Variants in UBE2L3 observed in about 807,000 individuals in gnomAD.
The protein encoded by UBE2L3 is ubiquitin conjugating enzyme E2 L3.
In UBE2L3, 1 loss-of-function variant was observed where a neutral mutation model predicts 17.8. That is an observed-to-expected ratio of 0.06 (90% CI 0.02 to 0.27). The LOEUF is 0.27. Among genes scored for constraint, UBE2L3 ranks in the 10% least tolerant of loss-of-function variants. The probability of loss-of-function intolerance (pLI) is 1.00; values close to 1 mark genes in which losing one functional copy is unlikely to be tolerated. For missense variants in UBE2L3, 40 were observed against 192.6 expected, an observed-to-expected ratio of 0.21 and a Z score of 4.69; for synonymous variants, 44 against 68.5, an observed-to-expected ratio of 0.64 and a Z score of 1.76.
At chr22:21,609,141 C>T (rs951024318) in intron 2 of UBE2L3, among the ~76,000 whole-genome samples, 2 of 152,134 alleles carry the variant, frequency 1.3e-5, no homozygotes, top group African/African-American at 4.8e-5. Context: ...TCGTGATCCA[C>T]CTGCCTTGGC....
intron 2 of UBE2L3, among the ~76,000 whole-genome samples, chr22:21,594,941 T>A (rs556988383): frequency 6.6e-6 from 1 of 152,368 alleles, no homozygotes; most frequent in South Asian, 2.1e-4. Flanking sequence ...GCTTGGGCAG[T>A]CTGGCCCTGA....
intron 3 of UBE2L3, among the ~76,000 whole-genome samples, chr22:21,615,915 T>C (rs181684821): frequency 4.0e-4 from 61 of 152,308 alleles, no homozygotes; most frequent in African/African-American, 1.4e-3. Flanking sequence ...TGATTTTGCT[T>C]TGGCCCCAAA....
intron 3 of UBE2L3, among the ~76,000 whole-genome samples, chr22:21,611,744 A>G (rs1929493085): frequency 6.6e-6 from 1 of 152,060 alleles, no homozygotes; most frequent in Non-Finnish European, 1.5e-5. Flanking sequence ...TTTGTTATGG[A>G]CTGTGTCTGG....
chr22:21,564,820 G>A (rs529968326), upstream of UBE2L3, among the ~76,000 whole-genome samples: 1 of 152,150 alleles, frequency 6.6e-6, no homozygotes, highest in South Asian at 2.1e-4. Flanking sequence ...TATTTGTCCT[G>A]GGCCCAGTAA....
chr22:21,570,829 C>T (rs535204627), intron 1 of UBE2L3, among the ~76,000 whole-genome samples: 49 of 152,146 alleles, frequency 3.2e-4, no homozygotes, highest in African/African-American at 1.1e-3. Flanking sequence ...TGGAACAGTG[C>T]CTTAGGCATA....
intron 1 of UBE2L3, among the ~76,000 whole-genome samples, chr22:21,581,055 A>T (rs920591166): frequency 1.1e-3 from 144 of 130,820 alleles, no homozygotes; most frequent in African/African-American, 3.8e-3. Flanking sequence ...TGCCCGGCTA[A>T]TTTTTTTTTT....
chr22:21,608,755 T>TTC (rs1929312180), intron 2 of UBE2L3, among the ~76,000 whole-genome samples: 1 of 148,404 alleles, frequency 6.7e-6, no homozygotes, highest in Admixed American at 6.7e-5. Flanking sequence ...TTTTTTTTTT[T>TTC]TTTTTTTGTA....
intron 1 of UBE2L3, among the ~76,000 whole-genome samples, chr22:21,557,159 G>A (rs1388706645): frequency 6.6e-6 from 1 of 152,268 alleles, no homozygotes; most frequent in Non-Finnish European, 1.5e-5. Context: ...GAGCTCAGGA[G>A]TTCAAGACCA....
At chr22:21,611,837 AGTCTG>A (rs1929496663) in intron 3 of UBE2L3, among the ~76,000 whole-genome samples, 1 of 152,124 alleles carries the variant, frequency 6.6e-6, no homozygotes, top group African/African-American at 2.4e-5. Context: ...ACCAGTATAA[AGTCTG>A]TTTAGATTAG....
At chr22:21,562,098 C>T (rs1316921936) in intron 1 of UBE2L3, among the ~76,000 whole-genome samples, 16 of 152,094 alleles carry the variant, frequency 1.1e-4, no homozygotes, top group Middle Eastern at 3.4e-3. Context: ...CCCCACACCT[C>T]ATCAAACCCT....
At chr22:21,585,185 C>G (rs1927870860) in intron 1 of UBE2L3, among the ~76,000 whole-genome samples, 1 of 152,192 alleles carries the variant, frequency 6.6e-6, no homozygotes. Context: ...GTGTCCAGAA[C>G]TGGACACAGC....
At chr22:21,577,686 G>A (rs1195261921) in intron 1 of UBE2L3, among the ~76,000 whole-genome samples, 2 of 152,170 alleles carry the variant, frequency 1.3e-5, no homozygotes, top group Admixed American at 6.6e-5. Context: ...GAGAAGAAGA[G>A]GGTTCATTTC....
chr22:21,601,967 C>CAAA (rs781689880), intron 2 of UBE2L3, among the ~76,000 whole-genome samples: 5 of 104,488 alleles, frequency 4.8e-5, no homozygotes, highest in African/African-American at 2.0e-4. Flanking sequence ...GACTCCATCT[C>CAAA]AAAAAAAAAA....
At chr22:21,591,066 T>G (rs1349896273) in intron 1 of UBE2L3, among the ~76,000 whole-genome samples, 2 of 152,154 alleles carry the variant, frequency 1.3e-5, no homozygotes, top group African/African-American at 2.4e-5. Flanking sequence ...GAGCATTTCT[T>G]ATGAGTCTTG....
intron 1 of UBE2L3, among the ~76,000 whole-genome samples, chr22:21,570,233 A>C (rs1926882643): frequency 6.6e-6 from 1 of 152,136 alleles, no homozygotes; most frequent in Admixed American, 6.6e-5. Flanking sequence ...AGCCTATCCC[A>C]GTTGACCCAG....
At chr22:21,619,723 G>A (rs1929958164) in intron 3 of UBE2L3, among the ~76,000 whole-genome samples, 2 of 152,164 alleles carry the variant, frequency 1.3e-5, no homozygotes, top group Admixed American at 6.5e-5. Flanking sequence ...ACAGAGTCTC[G>A]CTCTGTTGCC....
chr22:21,585,768 C>T (rs1927902017), intron 1 of UBE2L3, among the ~76,000 whole-genome samples: 1 of 152,112 alleles, frequency 6.6e-6, no homozygotes, highest in Non-Finnish European at 1.5e-5. Context: ...GGGGGGAAGT[C>T]ACCAGGCTGA....
intron 2 of UBE2L3, among the ~76,000 whole-genome samples, chr22:21,600,686 A>C (rs1378147264): frequency 1.3e-5 from 2 of 151,902 alleles, no homozygotes; most frequent in Non-Finnish European, 2.9e-5. Context: ...ACAGAGTGAG[A>C]CTCCATCTCA....
At chr22:21,617,070 C>T (rs572864978) in intron 3 of UBE2L3, among the ~76,000 whole-genome samples, 5 of 145,910 alleles carry the variant, frequency 3.4e-5, no homozygotes, top group South Asian at 2.3e-4. Context: ...ATTAGCCGGG[C>T]GTGGTTGCGG....
Sources: allele counts gnomAD v4.1 joint callset (sites outside exome capture counted in the v4.1 genomes callset), GRCh38; gene constraint gnomAD v4.1.1; transcripts MANE v1.5; gene names NCBI Gene and HGNC (gene_info 2026-07-23, HGNC 2026-07-21).